Variants in ATP6AP1 observed in about 807,000 individuals in gnomAD.
The protein encoded by ATP6AP1 is V-type proton ATPase subunit S1.
Under a neutral mutation model 32.0 loss-of-function variants are expected in ATP6AP1, and 1 was observed. That is an observed-to-expected ratio of 0.03 (90% CI 0.01 to 0.15). ATP6AP1 has a LOEUF of 0.15. ATP6AP1 is among the 10% of genes least tolerant of loss of function. The pLI is 1.00. For missense variants in ATP6AP1, 297 were observed against 398.8 expected (o/e 0.74, Z 2.17); for synonymous variants, 187 against 174.9 (o/e 1.07, Z -0.55).
chrX:154,435,004 G>A, intron 7 of ATP6AP1, 135 bp from the exon 8 acceptor site: 1 of 671,417 alleles, frequency 1.5e-6, no homozygotes, highest in Non-Finnish European at 2.3e-6. Flanking sequence ...TCTGTCAAGT[G>A]GGGACACTGC....
Position 154,434,357 on chromosome X carries a change from C to T in ATP6AP1, c.834C>T (p.Tyr278=). The change falls in exon 7 of 10, where the codon TAC becomes TAT. Residue 278 remains tyrosine, a synonymous_variant. Coordinates refer to ENST00000369762, the MANE Select transcript of ATP6AP1 (RefSeq NM_001183.6). The stretch of plus-strand genomic sequence containing the variant: ...GGGCCCAAAACTTCTCTGTGGCGTA[C>T]AAGGACCAGTGGGAGGACCTGACTC... ...LFWAQNFSVA[Y]KDQWEDLTPL... The T allele has an allele frequency of 2.5e-6, 3 of 1,212,083 alleles. No individual in the cohort carries two copies. Among genetic ancestry groups the T allele is most frequent in the Middle Eastern group, 2.3e-4 (1 of 4,355 alleles).
chrX:154,435,810 G>T lies in ATP6AP1; in HGVS notation c.1332G>T (p.Leu444=). 2 of 1,211,825 alleles carry T rather than the reference G, an allele frequency of 1.7e-6. No individual in the cohort carries two copies. Among genetic ancestry groups the T allele is most frequent in the Non-Finnish European group, 2.2e-6 (2 of 895,435 alleles). ...LFMLFIFTYG[L]HMILSLKTMD... ...TGCTCTTCATCTTCACCTATGGCCT[G>T]CACATGATCCTCAGCCTCAAGACCA... Residue 444 remains leucine (L), a synonymous_variant, in exon 10 of 10, where the codon CTG becomes CTT. Coordinates refer to ENST00000369762, the MANE Select transcript of ATP6AP1 (RefSeq NM_001183.6).
At chrX:154,431,751 CG>C (rs2148223063) in intron 2 of ATP6AP1, 78 bp from the exon 3 acceptor site, 1 of 995,510 alleles carries the variant, frequency 1.0e-6, no homozygotes, top group Non-Finnish European at 1.4e-6. Context: ...TGAGAATGCA[CG>C]GGGAAGGTGG....
chrX:154,429,372 T>G, intron 2 of ATP6AP1, 198 bp downstream of exon 2: 1 of 488,962 alleles, frequency 2.0e-6, no homozygotes, highest in Non-Finnish European at 3.4e-6. Flanking sequence ...TGGCACCAAC[T>G]TGATTGGAGG....
In ATP6AP1 at chrX:154,436,041, C is replaced by A; in HGVS notation, c.*150C>A. The A allele has an allele frequency of 8.9e-6, 5 of 560,131 alleles. No homozygotes were observed. The highest frequency in any genetic ancestry group is 2.9e-5 in the South Asian group (1 of 34,292). 46.2% of individuals were successfully genotyped at this position (560,131 alleles called of 1,213,427 possible). A position where few individuals can be genotyped will look rare whatever the true frequency, so the allele number is the denominator to read the frequency against. ...CCCATCTTGCTCCCTCTTCAGCCCG[C>A]TGAGGAGCTTTCTTGGGCTGCCCCC... On this transcript the variant is annotated 3_prime_UTR_variant, in exon 10 of 10. Transcript: ENST00000369762.
Position 154,432,385 on chromosome X carries a change from G to A in ATP6AP1, c.483G>A (p.Leu161=), listed in dbSNP as rs1557196957. ...GGGCCAGCCCCTTGCATGTGGACCT[G>A]GCCACCCTGCGGGAGCTGAAGCTCA... ...KLGASPLHVD[L]ATLRELKLNA... Residue 161 remains leucine, a synonymous_variant, in exon 4 of 10, where the codon CTG becomes CTA. Coordinates refer to ENST00000369762, the MANE Select transcript of ATP6AP1 (RefSeq NM_001183.6). 1 of 1,210,245 alleles carries A rather than the reference G, an allele frequency of 8.3e-7. No individual in the cohort carries two copies. Among genetic ancestry groups the A allele is most frequent in the Non-Finnish European group, 1.1e-6 (1 of 894,693 alleles).
rs1415888493 is a variant in ATP6AP1, at chrX:154,436,202, C to T, written c.*311C>T. 7.2e-5 allele frequency: 23 copies of T among 319,099 alleles called. No individual in the cohort carries two copies. The highest frequency in any genetic ancestry group is 5.8e-4 in the African/African-American group (22 of 38,186). 26.3% of individuals were successfully genotyped at this position (319,099 alleles called of 1,213,427 possible). A position where few individuals can be genotyped will look rare whatever the true frequency, so the allele number is the denominator to read the frequency against. On this transcript the variant is annotated 3_prime_UTR_variant, in exon 10 of 10. Transcript: ENST00000369762. ...TTATTTATTCTTGTGGCTACATCAT[C>T]CCTGGCTGTGGATAGTGCTTTTGTG...
rs781797236 is a variant in ATP6AP1, at chrX:154,428,787, T to TGGCGGCGGCGGC, written c.105_116dup (p.Ala38_Ala41dup). 6.2e-6 allele frequency: 7 copies of TGGCGGCGGCGGC among 1,124,708 alleles called. No individual in the cohort carries two copies. In the African/African-American group the frequency reaches 1.4e-4, roughly 22 times the overall value. The allele number at this position is 1,124,708 out of a possible 1,213,427, so 92.7% of individuals were successfully genotyped here. ...CCGTGGCTGCCGGTGTTTTTGTCGTTGGCGGCGGCGGCGGCGGCGGCAGCG... is the reference window on the plus strand; with the variant it reads ...CCGTGGCTGCCGGTGTTTTTGTCGTTGGCGGCGGCGGCGGCGGCGGCGGCGGCGGCGGCAGCG... On this transcript the variant is annotated inframe_insertion, in exon 1 of 10. Coordinates refer to ENST00000369762, the MANE Select transcript of ATP6AP1 (RefSeq NM_001183.6).
chrX:154,432,369 C>T lies in ATP6AP1; in HGVS notation c.467C>T (p.Pro156Leu). ...TYLQEKLGAS[P>L]LHVDLATLRE... ...CTGCAGGAGAAGCTCGGGGCCAGCC[C>T]CTTGCATGTGGACCTGGCCACCCTG... Residue 156 changes from proline (P) to leucine (L), a missense_variant, in exon 4 of 10, where the codon CCC becomes CTC. Pro to Leu is a moderately conservative substitution (Grantham distance 98). Coordinates refer to ENST00000369762, the MANE Select transcript of ATP6AP1 (RefSeq NM_001183.6). 1 of 1,211,659 alleles carries T rather than the reference C, an allele frequency of 8.3e-7. No homozygotes were observed. The highest frequency in any genetic ancestry group is 1.1e-6 in the Non-Finnish European group (1 of 895,379).
intron 8 of ATP6AP1, 21 bp downstream of exon 8, chrX:154,435,207 A>C (rs782447719): frequency 8.3e-7 from 1 of 1,209,354 alleles, no homozygotes; most frequent in South Asian, 1.8e-5. Context: ...GGGGTGGTTG[A>C]GGTATGGGTG....
intron 9 of ATP6AP1, 62 bp from the exon 10 acceptor site, chrX:154,435,619 CT>C (rs781909953): frequency 5.1e-6 from 6 of 1,181,861 alleles, no homozygotes; most frequent in East Asian, 5.9e-5. Flanking sequence ...TGCGCTGCCC[CT>C]GTCCCAGTTC....
chrX:154,429,340 G>T (rs2068682064), intron 2 of ATP6AP1, 166 bp downstream of exon 2: 2 of 625,880 alleles, frequency 3.2e-6, no homozygotes, highest in African/African-American at 2.3e-5. Context: ...CGCTTCAGTG[G>T]GCATGGCGAC....
intron 1 of ATP6AP1, 32 bp from the exon 2 acceptor site, chrX:154,429,016 C>G (rs2068680108): frequency 8.3e-7 from 1 of 1,204,466 alleles, no homozygotes; most frequent in Non-Finnish European, 1.1e-6. Flanking sequence ...CATGCGCCCC[C>G]GTCTGACAGC....
At position 154,431,485 on chromosome X, in the gene ATP6AP1, AC is replaced by A. The variant is rs782707972; in HGVS notation, c.289-340del. 2.6e-4 allele frequency: 27 copies of A among 103,215 alleles called. No homozygotes were observed. In the South Asian group the frequency reaches 3.2e-3, roughly 12 times the overall value. The allele number at this position is 103,215 out of a possible 1,213,427, so 8.5% of individuals were successfully genotyped here. A position where few individuals can be genotyped will look rare whatever the true frequency, so the allele number is the denominator to read the frequency against. On this transcript the variant is annotated intron_variant, in intron 2 of 9. Transcript: ENST00000369762. ...TGCCACAAATGCTCTTGGCTGCCCC[AC>A]CCCCTCCCCGCAGCTTCCCTGTTCC...
At chrX:154,428,980 T>A in intron 1 of ATP6AP1, 68 bp from the exon 2 acceptor site, 1 of 1,181,785 alleles carries the variant, frequency 8.5e-7, no homozygotes, top group Non-Finnish European at 1.1e-6. Flanking sequence ...TCGCAGCGAA[T>A]CTGCCGGCGA....
In ATP6AP1 at chrX:154,429,067, G is replaced by A; in HGVS notation, c.181G>A (p.Ala61Thr). ...TGCCAGGGACTTGTGGGCTCCTGCG[G>A]CCGACACTCATGAAGGCCACATCAC... is the stretch of plus-strand genomic sequence containing the variant. ...SSDRDLWAPA[A>T]DTHEGHITSD... Residue 61 changes from alanine (A) to threonine (T), a missense_variant, in exon 2 of 10, where the codon GCC becomes ACC. Physicochemically the swap from Ala to Thr is moderately conservative, Grantham distance 58. Coordinates refer to ENST00000369762, the MANE Select transcript of ATP6AP1 (RefSeq NM_001183.6). 17 of 1,211,836 alleles carry A rather than the reference G, an allele frequency of 1.4e-5. No individual in the cohort carries two copies. The highest frequency in any genetic ancestry group is 1.9e-5 in the Non-Finnish European group (17 of 895,443).
Position 154,429,127 on chromosome X carries a change from G to T in ATP6AP1, c.241G>T (p.Ala81Ser). 8.3e-7 allele frequency: 1 copy of T among 1,211,557 alleles called. No individual in the cohort carries two copies. Among genetic ancestry groups the T allele is most frequent in the South Asian group, 1.8e-5 (1 of 56,971 alleles). ...DLQLSTYLDP[A>S]LELGPRNVLL... ...GCAGCTCTCTACCTACTTAGATCCC[G>T]CCCTGGAGCTGGGTCCCAGGAATGT... is the stretch of plus-strand genomic sequence containing the variant. The change falls in exon 2 of 10, where the codon GCC becomes TCC. Residue 81 changes from alanine (A) to serine (S), a missense_variant. Physicochemically the swap from Ala to Ser is moderately conservative, Grantham distance 99. Transcript: ENST00000369762.
In ATP6AP1 at chrX:154,435,919, G is replaced by A. The variant is rs1476657787; in HGVS notation, c.*28G>A. ...CTGTGCCAGTGGGGGGGTTGAGGGT[G>A]GGACGGTGTCCGTGTTGTTGCTTTC... is the stretch of plus-strand genomic sequence containing the variant. On this transcript the variant is annotated 3_prime_UTR_variant, in exon 10 of 10. Transcript: ENST00000369762. The A allele has an allele frequency of 8.5e-7, 1 of 1,179,555 alleles. No individual in the cohort carries two copies. Among genetic ancestry groups the A allele is most frequent in the Non-Finnish European group, 1.2e-6 (1 of 867,541 alleles).
chrX:154,433,640 G>T lies in ATP6AP1; in HGVS notation c.604G>T (p.Val202Phe). The T allele has an allele frequency of 8.3e-7, 1 of 1,211,802 alleles. No individual in the cohort carries two copies. The highest frequency in any genetic ancestry group is 1.1e-6 in the Non-Finnish European group (1 of 895,324). Residue 202 changes from valine to phenylalanine, a missense_variant, in exon 6 of 10, where the codon GTC (valine) becomes TTC (phenylalanine). Around this residue, in one of 2 missense-constraint regions of ATP6AP1, gnomAD observed 155 missense variants for 253.8 expected, o/e 0.61. Coordinates refer to ENST00000369762, the MANE Select transcript of ATP6AP1 (RefSeq NM_001183.6). ...PREVLTGNDE[V>F]IGQVLSTLKS... ...CTCTCCTTGTTGACCCTCAGATGAG[G>T]TCATCGGGCAGGTCCTGAGCACACT...
Sources: allele counts gnomAD v4.1 joint callset, GRCh38; gene constraint gnomAD v4.1.1; regional missense constraint gnomAD v4.1.1; transcripts MANE v1.5; gene names NCBI Gene and HGNC (gene_info 2026-07-23, HGNC 2026-07-21).